Variants in ARFGEF2 observed in about 807,000 individuals in gnomAD.
ARFGEF2 encodes the protein brefeldin A-inhibited guanine nucleotide-exchange protein 2.
In ARFGEF2, 74 loss-of-function variants were observed where a neutral mutation model predicts 219.9. The observed-to-expected ratio is 0.34, with a 90% CI of 0.28 to 0.41. The LOEUF (loss-of-function observed/expected upper bound fraction) is 0.41. ARFGEF2 is among the 10% of genes least tolerant of loss of function. ARFGEF2 has a pLI of 1.00. For synonymous variants in ARFGEF2, 733 were observed against 799.2 expected (o/e 0.92, Z 1.40); for missense variants, 1,743 against 2,218.3 (o/e 0.79, Z 4.30).
In ARFGEF2 at chr20:48,971,390, CTAT is replaced by C. The variant is rs538691550; in HGVS notation, c.1425+45_1425+47del. On this transcript the variant is annotated intron_variant, in intron 10 of 38. Coordinates refer to ENST00000371917, the MANE Select transcript of ARFGEF2 (RefSeq NM_006420.3). Reference sequence around the variant, plus strand: ...CAAAGTTTTTTCATTTCATTATTTACTATTATTATTAGTCATTAATTATAATAC... The same window carrying C: ...CAAAGTTTTTTCATTTCATTATTTACTATTATTAGTCATTAATTATAATAC... 3,878 of 1,423,972 alleles carry C rather than the reference CTAT, an allele frequency of 2.7e-3. 9 individuals carry two copies. The highest frequency in any genetic ancestry group is 3.4e-3 in the Non-Finnish European group (3,500 of 1,015,704). 88.2% of individuals were successfully genotyped at this position (1,423,972 alleles called of 1,614,324 possible).
intron 28 of ARFGEF2, 75 bp downstream of exon 28, chr20:49,012,159 A>G: frequency 1.3e-6 from 2 of 1,589,808 alleles, no homozygotes; most frequent in Non-Finnish European, 1.7e-6. Flanking sequence ...TGCTCCTAAC[A>G]AAGAGCTTTC....
intron 1 of ARFGEF2, among the ~76,000 whole-genome samples, chr20:48,925,676 A>T (rs2090872329): frequency 1.3e-5 from 2 of 152,128 alleles, no homozygotes; most frequent in African/African-American, 4.8e-5. Context: ...TCTCTAAAAA[A>T]ATATATAAAA....
chr20:48,969,464 CTG>C (rs755658447), intron 9 of ARFGEF2, among the ~76,000 whole-genome samples, 187 bp downstream of exon 9: 6 of 152,244 alleles, frequency 3.9e-5, no homozygotes, highest in Non-Finnish European at 7.3e-5. Context: ...GGAATTGTCT[CTG>C]TATCCCCACC....
At chr20:48,939,733 A>G (rs915881670) in intron 1 of ARFGEF2, among the ~76,000 whole-genome samples, 2 of 152,214 alleles carry the variant, frequency 1.3e-5, no homozygotes, top group Non-Finnish European at 2.9e-5. Context: ...GTGTAATAAG[A>G]TATACAAAGT....
chr20:49,016,060 T>C (rs962261229), intron 30 of ARFGEF2, among the ~76,000 whole-genome samples: 1 of 152,268 alleles, frequency 6.6e-6, no homozygotes, highest in Admixed American at 6.5e-5. Flanking sequence ...ATTTATTTTT[T>C]TATTCCACTT....
chr20:48,943,100 A>G (rs2091004256), intron 3 of ARFGEF2, among the ~76,000 whole-genome samples: 2 of 152,194 alleles, frequency 1.3e-5, no homozygotes, highest in South Asian at 4.1e-4. Context: ...CACCAACAAA[A>G]AGCACCAAAA....
intron 14 of ARFGEF2, 139 bp from the exon 15 acceptor site, chr20:48,984,590 C>A: frequency 9.0e-7 from 1 of 1,116,970 alleles, no homozygotes. Context: ...AGAAAAGCTG[C>A]CAGGACAGAC....
chr20:49,032,204 C>T, intron 38 of ARFGEF2, 38 bp downstream of exon 38: 1 of 1,489,198 alleles, frequency 6.7e-7, no homozygotes, highest in Middle Eastern at 1.7e-4. Context: ...TTCACTAGGA[C>T]ATAAAGTTTG....
intron 2 of ARFGEF2, 21 bp from the exon 3 acceptor site, chr20:48,941,843 C>A (rs199783477): frequency 9.9e-6 from 16 of 1,614,116 alleles, no homozygotes; most frequent in Non-Finnish European, 1.4e-5. Context: ...TTCTCCCGAC[C>A]CTCTCTTGCT....
intron 6 of ARFGEF2, among the ~76,000 whole-genome samples, 185 bp downstream of exon 6, chr20:48,953,975 G>A (rs985902664): frequency 6.6e-6 from 1 of 152,184 alleles, no homozygotes; most frequent in Non-Finnish European, 1.5e-5. Flanking sequence ...CAAGTGTCCC[G>A]TTGTCAGCTG....
intron 16 of ARFGEF2, among the ~76,000 whole-genome samples, chr20:48,987,296 C>T (rs2091332116): frequency 6.6e-6 from 1 of 152,176 alleles, no homozygotes; most frequent in Non-Finnish European, 1.5e-5. Context: ...TTGTGTTCTT[C>T]AAAATTTCTA....
At chr20:48,941,813 A>G in intron 2 of ARFGEF2, 51 bp from the exon 3 acceptor site, 1 of 1,613,646 alleles carries the variant, frequency 6.2e-7, no homozygotes, top group Non-Finnish European at 8.5e-7. Flanking sequence ...AGTTAGAGTA[A>G]GGTGTAGAAA....
At chr20:49,000,777 GT>G (rs941293924) in intron 25 of ARFGEF2, among the ~76,000 whole-genome samples, 4 of 152,160 alleles carry the variant, frequency 2.6e-5, no homozygotes, top group African/African-American at 7.2e-5. Flanking sequence ...TTTGGTAAAC[GT>G]TTTCCCAACT....
chr20:49,025,913 C>T (rs149198585), intron 36 of ARFGEF2, among the ~76,000 whole-genome samples: 181 of 149,260 alleles, frequency 1.2e-3, no homozygotes, highest in African/African-American at 4.3e-3. Flanking sequence ...ACCCGGAAGG[C>T]GGAGGTTGCG....
At chr20:48,954,659 A>C (rs995716057) in intron 6 of ARFGEF2, among the ~76,000 whole-genome samples, 2 of 152,182 alleles carry the variant, frequency 1.3e-5, no homozygotes, top group Non-Finnish European at 2.9e-5. Flanking sequence ...ATAATTTACC[A>C]GACTGCTTGA....
intron 25 of ARFGEF2, 89 bp downstream of exon 25, chr20:48,998,594 C>T: frequency 6.9e-7 from 1 of 1,443,818 alleles, no homozygotes; most frequent in Non-Finnish European, 9.5e-7. Flanking sequence ...AATAATTTGC[C>T]CTGTTTTTTA....
intron 10 of ARFGEF2, among the ~76,000 whole-genome samples, chr20:48,971,640 G>A (rs1269845971): frequency 6.6e-6 from 1 of 151,582 alleles, no homozygotes; most frequent in Non-Finnish European, 1.5e-5. Flanking sequence ...CATGGCTCAC[G>A]CCTGTAATCC....
chr20:49,002,236 CAAAAAT>C (rs1171566081), intron 25 of ARFGEF2, among the ~76,000 whole-genome samples: 1 of 151,948 alleles, frequency 6.6e-6, no homozygotes, highest in Non-Finnish European at 1.5e-5. Context: ...AGCTCTGTCT[CAAAAAT>C]AAAATAAATA....
rs2091343929 is a variant in ARFGEF2 at position 48,989,292 on chromosome 20, T to C, written c.2541T>C (p.Ala847=). Reference sequence around the variant, plus strand: ...CATGCTCTTACTTTACAGATGTAGCTAGTGAAAAGCAGCGGCGGCTGCTGT... The same window carrying C: ...CATGCTCTTACTTTACAGATGTAGCCAGTGAAAAGCAGCGGCGGCTGCTGT... ...IATKSTKQNV[A]SEKQRRLLYN... is the part of the protein sequence containing the mutation. The change falls in exon 19 of 39, where the codon GCT becomes GCC. Residue 847 remains alanine, a synonymous_variant. Coordinates refer to ENST00000371917, the MANE Select transcript of ARFGEF2 (RefSeq NM_006420.3). 3 of 1,614,192 alleles carry C rather than the reference T, an allele frequency of 1.9e-6. No homozygotes were observed. The highest frequency in any genetic ancestry group is 1.7e-5 in the Admixed American group (1 of 60,020).
Sources: gnomAD v4.1 joint callset for allele counts (sites outside exome capture counted in the v4.1 genomes callset) on GRCh38, gnomAD v4.1.1 for gene constraint, MANE v1.5 for transcripts, NCBI Gene and HGNC (gene_info 2026-07-23, HGNC 2026-07-21) for gene names.